The following PUDP variants were observed in gnomAD, a reference collection of about 807,000 sequenced individuals.
The protein encoded by PUDP is pseudouridine 5'-phosphatase, also known as pseudouridine-5'-phosphatase.
PUDP carries 8 observed loss-of-function variants against 9.4 expected under a neutral mutation model. That is an observed-to-expected ratio of 0.85 (90% CI 0.50 to 1.53). The LOEUF (loss-of-function observed/expected upper bound fraction) is 1.53. Among genes scored for constraint, PUDP ranks in the 40% most tolerant of loss-of-function variants. The pLI, the probability that PUDP is intolerant of heterozygous loss-of-function variation, is 0.00. For synonymous variants in PUDP, 99 were observed against 80.7 expected (o/e 1.23, Z -1.22); for missense variants, 188 against 189.7 (o/e 0.99, Z 0.05).
At chrX:7,011,934 A>G (rs1215728325) in intron 1 of PUDP, among the ~76,000 whole-genome samples, 1 of 112,770 alleles carries the variant, frequency 8.9e-6, no homozygotes, top group Admixed American at 9.4e-5. Flanking sequence ...ACTAGCATTA[A>G]GGTATTTTCA....
chrX:6,707,373 T>C (rs186045222), intron 1 of PUDP, among the ~76,000 whole-genome samples: 213 of 111,895 alleles, frequency 1.9e-3, no homozygotes, highest in African/African-American at 6.6e-3. Context: ...GATTTCAGGA[T>C]GATTCAAGTG....
chrX:6,806,154 CTT>C (rs1213511708), intron 3 of PUDP, among the ~76,000 whole-genome samples: 1 of 111,349 alleles, frequency 9.0e-6, no homozygotes, highest in African/African-American at 3.3e-5. Flanking sequence ...GTGTGATTTG[CTT>C]TTTTAACACT....
Position 7,005,598 on chromosome X carries a change from C to T in PUDP, c.205-27255G>A, listed in dbSNP as rs1195392443. On this transcript the variant is annotated intron_variant and NMD_transcript_variant, in intron 1 of 3. Coordinates refer to the PUDP transcript ENST00000655425. ...CTAATTTTTATATTTTTGGGAGTGA[C>T]GAGATCTTCCTATGTTGCCCAGGCT... is the stretch of plus-strand genomic sequence containing the variant. Among the ~76,000 whole-genome samples, 3 of 109,562 alleles carry T rather than the reference C, an allele frequency of 2.7e-5. No homozygotes were observed. The East Asian group carries it at 8.6e-4, about 31-fold the overall frequency.
At chrX:6,730,443 T>A (rs1000978441) in intron 3 of PUDP, among the ~76,000 whole-genome samples, 2 of 112,193 alleles carry the variant, frequency 1.8e-5, no homozygotes, top group African/African-American at 6.5e-5. Flanking sequence ...AAACTGGGAA[T>A]CACTAAATGA....
At chrX:6,782,311 T>C (rs1197578781) in intron 3 of PUDP, among the ~76,000 whole-genome samples, 3 of 111,677 alleles carry the variant, frequency 2.7e-5, no homozygotes, top group Middle Eastern at 4.2e-3. Context: ...GGCTCACGTC[T>C]GTAATCCCAG....
chrX:7,118,500 G>A (rs1932256320), intron 1 of PUDP, among the ~76,000 whole-genome samples: 3 of 112,205 alleles, frequency 2.7e-5, no homozygotes, highest in East Asian at 2.8e-4. Flanking sequence ...TTTTGGTTAA[G>A]TACTGTACTG....
At chrX:6,888,483 AAAAAAAATAC>A (rs1204568019) in intron 3 of PUDP, among the ~76,000 whole-genome samples, 1 of 108,987 alleles carries the variant, frequency 9.2e-6, no homozygotes, top group Non-Finnish European at 1.9e-5. Flanking sequence ...CTCTACTAAA[AAAAAAAATAC>A]AAAAAAATTA....
chrX:7,123,427 C>T (rs1208145841), intron 1 of PUDP, among the ~76,000 whole-genome samples: 7 of 111,440 alleles, frequency 6.3e-5, no homozygotes, highest in African/African-American at 1.6e-4. Context: ...TAAAATGGCA[C>T]GCTAAAAAAT....
intron 3 of PUDP, among the ~76,000 whole-genome samples, chrX:6,962,034 T>C (rs1928715832): frequency 8.9e-6 from 1 of 111,826 alleles, no homozygotes; most frequent in Admixed American, 9.5e-5. Flanking sequence ...AAAAGGAAAA[T>C]CAATTAGTGA....
At chrX:7,000,193 C>T (rs1024501716) in intron 1 of PUDP, among the ~76,000 whole-genome samples, 1 of 111,387 alleles carries the variant, frequency 9.0e-6, no homozygotes, top group African/African-American at 3.3e-5. Context: ...GTAAAACCCA[C>T]AAATGTAAAT....
chrX:7,087,264 C>T (rs1159727760), intron 2 of PUDP, among the ~76,000 whole-genome samples: 2 of 111,180 alleles, frequency 1.8e-5, no homozygotes, highest in African/African-American at 6.6e-5. Flanking sequence ...CGAGGGAGGG[C>T]GTGTGAAAAT....
intron 3 of PUDP, among the ~76,000 whole-genome samples, chrX:7,067,917 G>A (rs1254821975): frequency 9.0e-6 from 1 of 111,188 alleles, no homozygotes; most frequent in Non-Finnish European, 1.9e-5. Context: ...GTTTTGTAAG[G>A]GAGAGATTCC....
intron 1 of PUDP, among the ~76,000 whole-genome samples, chrX:6,709,093 G>C (rs940416927): frequency 8.0e-5 from 9 of 112,111 alleles, no homozygotes; most frequent in East Asian, 5.6e-4. Flanking sequence ...TCACTCCAAG[G>C]CTTTACGGTA....
chrX:6,948,375 C>T (rs185810892), intron 3 of PUDP, among the ~76,000 whole-genome samples: 9 of 111,989 alleles, frequency 8.0e-5, no homozygotes, highest in Non-Finnish European at 1.5e-4. Flanking sequence ...CTTCCAGCCC[C>T]TCAGTCAGAC....
Position 7,019,997 on chromosome X carries a change from A to G in PUDP, c.205-41654T>C, listed in dbSNP as rs969939495. On this transcript the variant is annotated intron_variant and NMD_transcript_variant, in intron 1 of 3. Transcript: ENST00000655425. ...TCTTAGGGGAAAAAAAAGGAATAGT[A>G]TTGGAAGGAGGATGCAGGAAGAATG... Among the ~76,000 whole-genome samples the G allele has an allele frequency of 1.4e-4, 15 of 110,014 alleles. 1 individual carries two copies.
intron 1 of PUDP, among the ~76,000 whole-genome samples, chrX:7,106,538 T>C (rs1030298931): frequency 3.6e-5 from 4 of 112,319 alleles, no homozygotes; most frequent in Non-Finnish European, 7.5e-5. Flanking sequence ...CTACATACAA[T>C]ATAATAACTA....
At chrX:6,966,810 A>T (rs754334757) in intron 3 of PUDP, among the ~76,000 whole-genome samples, 4 of 111,256 alleles carry the variant, frequency 3.6e-5, no homozygotes, top group African/African-American at 9.8e-5. Flanking sequence ...CAGCCTCCCA[A>T]AGTGCTGGGA....
chrX:6,990,123 G>C (rs1019265551), intron 1 of PUDP, among the ~76,000 whole-genome samples: 4 of 109,444 alleles, frequency 3.7e-5, no homozygotes, highest in African/African-American at 1.4e-4. Context: ...ATGTGCAGGC[G>C]CGCATGCACA....
chrX:6,819,722 A>G (rs990725555), intron 3 of PUDP, among the ~76,000 whole-genome samples: 25 of 111,979 alleles, frequency 2.2e-4, no homozygotes, highest in African/African-American at 8.1e-4. Flanking sequence ...TCATTTTTGT[A>G]AAAGAATTTT....
Sources: allele counts gnomAD v4.1 joint callset (sites outside exome capture counted in the v4.1 genomes callset), GRCh38; gene constraint gnomAD v4.1.1; transcripts MANE v1.5; gene names NCBI Gene and HGNC (gene_info 2026-07-23, HGNC 2026-07-21).